ZNF682: variants seen among roughly 807,000 people sequenced by gnomAD.
ZNF682 encodes zinc finger protein 682.
In ZNF682, 29 loss-of-function variants were observed where a neutral mutation model predicts 36.5. The observed-to-expected ratio is 0.80, with a 90% CI of 0.59 to 1.08. The LOEUF (loss-of-function observed/expected upper bound fraction) is 1.08. Among genes scored for constraint, ZNF682 ranks in the 50% least tolerant of loss-of-function variants. ZNF682 has a pLI of 0.00. For synonymous variants in ZNF682, 180 were observed against 197.0 expected (o/e 0.91, Z 0.72); for missense variants, 561 against 579.7 (o/e 0.97, Z 0.33).
chr19:20,018,460 C>T (rs1208388103), intron 3 of ZNF682, among the ~76,000 whole-genome samples: 1 of 152,144 alleles, frequency 6.6e-6, no homozygotes, highest in Non-Finnish European at 1.5e-5. Context: ...AGAGGTATTA[C>T]ACTTCCTGGT....
intron 3 of ZNF682, among the ~76,000 whole-genome samples, chr19:20,013,286 A>G (rs1199436910): frequency 6.6e-6 from 1 of 151,984 alleles, no homozygotes; most frequent in Non-Finnish European, 1.5e-5. Flanking sequence ...TATATATGTT[A>G]TAGAAAACTA....
intron 1 of ZNF682, 21 bp downstream of exon 1, chr19:20,039,322 T>C (rs772253944): frequency 1.2e-5 from 19 of 1,612,040 alleles, no homozygotes; most frequent in African/African-American, 2.7e-5. Flanking sequence ...CACCTCGGGA[T>C]GCGCGGCCTG....
At chr19:20,021,268 T>G (rs2088381316) in intron 3 of ZNF682, among the ~76,000 whole-genome samples, 2 of 152,216 alleles carry the variant, frequency 1.3e-5, no homozygotes, top group African/African-American at 4.8e-5. Context: ...GACCTTTCAC[T>G]GCAAAAGAAA....
chr19:20,012,602 C>T (rs1244055499), intron 3 of ZNF682, among the ~76,000 whole-genome samples: 1 of 151,774 alleles, frequency 6.6e-6, no homozygotes, highest in East Asian at 1.9e-4. Context: ...CCCGTTTCTA[C>T]TAAAAAATAC....
chr19:20,003,190 C>CAAA (rs755953644), downstream of ZNF682, among the ~76,000 whole-genome samples: 1,025 of 33,142 alleles, frequency 0.031, 212 homozygotes, highest in Non-Finnish European at 0.037. Flanking sequence ...GACTCCGTCT[C>CAAA]AAAAAAAAAA....
Position 20,005,033 on chromosome 19 carries a change from A to AT in ZNF682, c.*971dup, listed in dbSNP as rs1177272907. 4 of 152,096 alleles carry AT rather than the reference A, an allele frequency of 2.6e-5. No individual in the cohort carries two copies. The highest frequency in any genetic ancestry group is 5.9e-5 in the Non-Finnish European group (4 of 68,026). The allele number at this position is 152,096 out of a possible 1,614,324, so 9.4% of individuals were successfully genotyped here. A position where few individuals can be genotyped will look rare whatever the true frequency, so the allele number is the denominator to read the frequency against. On this transcript the variant is annotated 3_prime_UTR_variant, in exon 4 of 4. Coordinates refer to ENST00000397165, the MANE Select transcript of ZNF682 (RefSeq NM_033196.3). The stretch of plus-strand genomic sequence containing the variant: ...TTCATTTAGACTTAATTTTTTATTA[A>AT]TTTTTTATATTTACTGCATCTGTTA...
intron 3 of ZNF682, among the ~76,000 whole-genome samples, chr19:20,017,343 A>G (rs955751562): frequency 1.3e-5 from 2 of 152,178 alleles, no homozygotes; most frequent in African/African-American, 4.8e-5. Flanking sequence ...AAGGAGACAA[A>G]CAGGCTGAAA....
At chr19:20,017,567 A>G (rs2088345535) in intron 3 of ZNF682, among the ~76,000 whole-genome samples, 1 of 152,216 alleles carries the variant, frequency 6.6e-6, no homozygotes, top group Non-Finnish European at 1.5e-5. Flanking sequence ...TATAAAACAA[A>G]TATTGACAGA....
chr19:20,002,393 A>G (rs1017802828), downstream of ZNF682, among the ~76,000 whole-genome samples: 2 of 152,134 alleles, frequency 1.3e-5, no homozygotes, highest in African/African-American at 2.4e-5. Context: ...TCACACAGAC[A>G]TAACAGAGGT....
At position 20,023,023 on chromosome 19, in the gene ZNF682, C is replaced by T; in HGVS notation, c.207G>A (p.Glu69=). The T allele has an allele frequency of 6.2e-7, 1 of 1,613,790 alleles. No individual in the cohort carries two copies. Among genetic ancestry groups the T allele is most frequent in the Non-Finnish European group, 8.5e-7 (1 of 1,179,808 alleles). ...ACCTACCTGGGGGTTTGGCTATGGT[C>T]TCATGTCTCTTCACATTCCAGGGCT... ...RQEPWNVKRH[E]TIAKPPAMSS... The change falls in exon 3 of 4, where the codon GAG becomes GAA. Residue 69 remains glutamate, a synonymous_variant. Coordinates refer to ENST00000397165, the MANE Select transcript of ZNF682 (RefSeq NM_033196.3).
At chr19:20,029,759 T>G (rs921095527) in intron 1 of ZNF682, among the ~76,000 whole-genome samples, 1 of 152,134 alleles carries the variant, frequency 6.6e-6, no homozygotes. Context: ...GAGCAACTGC[T>G]GGATATGCAG....
chr19:20,026,615 C>A (rs1241918889), intron 1 of ZNF682, among the ~76,000 whole-genome samples: 1 of 152,070 alleles, frequency 6.6e-6, no homozygotes, highest in Non-Finnish European at 1.5e-5. Context: ...CAGGCACGTG[C>A]CACCACACCT....
Position 20,005,573 on chromosome 19 carries a change from T to C in ZNF682, c.*432A>G, listed in dbSNP as rs956561688. The C allele has an allele frequency of 6.3e-6, 1 of 158,582 alleles. No homozygotes were observed. The highest frequency in any genetic ancestry group is 1.4e-5 in the Non-Finnish European group (1 of 72,266). The allele number at this position is 158,582 out of a possible 1,614,324, so 9.8% of individuals were successfully genotyped here. ...AACAATCTTTATATTTGTAATGTTT[T>C]TCTTCAGTATAAAAACTCTTGTGTA... On this transcript the variant is annotated 3_prime_UTR_variant, in exon 4 of 4. Transcript: ENST00000397165.
rs1431775406 is a variant in ZNF682 at position 20,026,251 on chromosome 19, C to T, written c.4-1875G>A. On this transcript the variant is annotated intron_variant, in intron 1 of 3. Transcript: ENST00000397165. ...CCAGGAGGTGGAGCTTGCAGTGAGCCGAGATCGCGCCACTGCACTCCAGCC... is the reference window on the plus strand; with the variant it reads ...CCAGGAGGTGGAGCTTGCAGTGAGCTGAGATCGCGCCACTGCACTCCAGCC... 3.3e-5 allele frequency among the ~76,000 whole-genome samples: 5 copies of T among 151,568 alleles called. No homozygotes were observed. In the East Asian group the frequency reaches 6.0e-4, roughly 18 times the overall value.
intron 1 of ZNF682, among the ~76,000 whole-genome samples, chr19:20,037,796 A>G (rs796958322): frequency 1.3e-5 from 2 of 152,162 alleles, no homozygotes; most frequent in African/African-American, 4.8e-5. Flanking sequence ...TAGCATCCAA[A>G]TTGCCTGGCC....
downstream of ZNF682, among the ~76,000 whole-genome samples, chr19:19,999,946 T>C (rs1366422481): frequency 6.6e-6 from 1 of 152,150 alleles, no homozygotes; most frequent in African/African-American, 2.4e-5. Flanking sequence ...AGCCCGAAAA[T>C]AGACAATGGC....
chr19:20,039,195 G>T, intron 1 of ZNF682, 148 bp downstream of exon 1: 1 of 1,424,766 alleles, frequency 7.0e-7, no homozygotes, highest in Non-Finnish European at 9.2e-7. Flanking sequence ...GCCCGGAGGT[G>T]ATCGACGGCC....
At position 20,024,355 on chromosome 19, in the gene ZNF682, C is replaced by T; in HGVS notation, c.25G>A (p.Val9Met). 2 of 1,612,698 alleles carry T rather than the reference C, an allele frequency of 1.2e-6. No homozygotes were observed. Among genetic ancestry groups the T allele is most frequent in the Non-Finnish European group, 1.7e-6 (2 of 1,179,518 alleles). Residue 9 changes from valine (V) to methionine (M), a missense_variant, in exon 2 of 4, where the codon GTG (valine) becomes ATG (methionine). By Grantham distance (21) the Val-to-Met change is conservative (BLOSUM62 1). Transcript: ENST00000397165. ...TCCTCCAGAGAGAATTCTATGGTCA[C>T]ATCCCTGAATGTCAACAGTTCCTGA... MELLTFRD[V>M]TIEFSLEEWE...
downstream of ZNF682, among the ~76,000 whole-genome samples, chr19:20,002,606 G>A (rs949870806): frequency 6.6e-6 from 1 of 152,154 alleles, no homozygotes; most frequent in African/African-American, 2.4e-5. Context: ...AATATTAACA[G>A]GATGTCCACT....
Sources: allele counts gnomAD v4.1 joint callset (sites outside exome capture counted in the v4.1 genomes callset), GRCh38; gene constraint gnomAD v4.1.1; transcripts MANE v1.5; gene names NCBI Gene and HGNC (gene_info 2026-07-23, HGNC 2026-07-21).